HTT: variants seen among roughly 807,000 people sequenced by gnomAD.
HTT encodes the protein huntingtin.
Under a neutral mutation model 362.3 loss-of-function variants are expected in HTT, and 104 were observed. That is an observed-to-expected ratio of 0.29 (90% CI 0.24 to 0.34). The LOEUF (loss-of-function observed/expected upper bound fraction) is 0.34. HTT is among the 10% of genes least tolerant of loss of function. The pLI is 1.00. For missense variants in HTT, 3,301 were observed against 3,928.6 expected, an observed-to-expected ratio of 0.84 and a Z score of 4.27; for synonymous variants, 1,577 against 1,548.7, an observed-to-expected ratio of 1.02 and a Z score of -0.43.
intron 8 of HTT, among the ~76,000 whole-genome samples, chr4:3,120,982 A>G (rs2110177342): frequency 6.6e-6 from 1 of 152,274 alleles, no homozygotes. Flanking sequence ...CTTCATTCTC[A>G]TGCTGCTCCT....
In HTT at chr4:3,187,656, C is replaced by G; in HGVS notation, c.4995C>G (p.Ser1665=). ...SMFVTPNTMA[S]VSTVQLWISG... ...ATGTATTATGTTTATTTTAGGCGTC[C>G]GTGAGCACTGTTCAACTGTGGATAT... Residue 1665 remains serine (S), a synonymous_variant, in exon 39 of 67, where the codon TCC becomes TCG. Coordinates refer to ENST00000355072, the MANE Select transcript of HTT (RefSeq NM_001388492.1). 3 of 1,612,304 alleles carry G rather than the reference C, an allele frequency of 1.9e-6. No individual in the cohort carries two copies. The highest frequency in any genetic ancestry group is 1.1e-5 in the South Asian group (1 of 91,036).
intron 1 of HTT, among the ~76,000 whole-genome samples, chr4:3,075,652 G>A (rs1323869109): frequency 7.0e-6 from 1 of 143,106 alleles, no homozygotes; most frequent in Non-Finnish European, 1.5e-5. Flanking sequence ...CGGGGCAGGG[G>A]GGGGGCGGGG....
chr4:3,079,043 G>T (rs1560537485), intron 1 of HTT, among the ~76,000 whole-genome samples: 1 of 151,814 alleles, frequency 6.6e-6, no homozygotes, highest in Admixed American at 6.6e-5. Flanking sequence ...GAGCCACTGT[G>T]CCCGGCCACG....
At chr4:3,203,986 T>C (rs1480314352) in intron 41 of HTT, 21 bp from the exon 42 acceptor site, 2 of 1,611,802 alleles carry the variant, frequency 1.2e-6, no homozygotes, top group Admixed American at 1.7e-5. Context: ...ACATTGTCAA[T>C]GCATCTGTTG....
At chr4:3,147,551 G>T (rs1268278701) in intron 25 of HTT, among the ~76,000 whole-genome samples, 1 of 152,170 alleles carries the variant, frequency 6.6e-6, no homozygotes, top group Non-Finnish European at 1.5e-5. Context: ...GGAGAGTTTC[G>T]TGAAAGGGAC....
In HTT at chr4:3,206,878, G is replaced by C; in HGVS notation, c.5970G>C (p.Thr1990=). 1 of 1,614,068 alleles carries C rather than the reference G, an allele frequency of 6.2e-7. No homozygotes were observed. Among genetic ancestry groups the C allele is most frequent in the Non-Finnish European group, 8.5e-7 (1 of 1,179,936 alleles). Reference sequence around the variant, plus strand: ...TCAGCCAGTCGGGAGCTGTGCTCACGCTGTATGTGGACAGGCTTCTGTGCA... The same window carrying C: ...TCAGCCAGTCGGGAGCTGTGCTCACCCTGTATGTGGACAGGCTTCTGTGCA... ...IHLSQSGAVL[T]LYVDRLLCTP... Residue 1990 remains threonine (T), a synonymous_variant, in exon 44 of 67, where the codon ACG becomes ACC. Coordinates refer to ENST00000355072, the MANE Select transcript of HTT (RefSeq NM_001388492.1). The surrounding 1 kb of genome is among the most constrained non-coding windows in gnomAD (Gnocchi z 4.6).
At chr4:3,086,894 G>T (rs780981893) in intron 1 of HTT, 45 bp from the exon 2 acceptor site, 1 of 1,012,382 alleles carries the variant, frequency 9.9e-7, no homozygotes, top group Middle Eastern at 2.5e-4. Context: ...TAAGTGGAGT[G>T]GGTAATTCAA....
rs1323392167 is a variant in HTT at position 3,243,378 on chromosome 4, G to C, written c.*3319G>C. ...TGCTGGCCAGGGTAGACTTGGAGCTGTCCTCCAGAGGGGTCACGTGTAGGA... is the reference window on the plus strand; with the variant it reads ...TGCTGGCCAGGGTAGACTTGGAGCTCTCCTCCAGAGGGGTCACGTGTAGGA... On this transcript the variant is annotated 3_prime_UTR_variant, in exon 67 of 67. Coordinates refer to ENST00000355072, the MANE Select transcript of HTT (RefSeq NM_001388492.1). The C allele has an allele frequency of 2.6e-5, 4 of 152,596 alleles. No individual in the cohort carries two copies. Among genetic ancestry groups the C allele is most frequent in the African/African-American group, 7.2e-5 (3 of 41,474 alleles). 9.5% of individuals were successfully genotyped at this position (152,596 alleles called of 1,614,324 possible). A position where few individuals can be genotyped will look rare whatever the true frequency, so the allele number is the denominator to read the frequency against.
intron 64 of HTT, among the ~76,000 whole-genome samples, chr4:3,237,421 T>C (rs1164990401): frequency 6.6e-6 from 1 of 152,136 alleles, no homozygotes; most frequent in Admixed American, 6.5e-5. Flanking sequence ...TCAGTCCCCA[T>C]ATGCTCACTG....
intron 56 of HTT, among the ~76,000 whole-genome samples, chr4:3,225,309 G>A (rs1262290698): frequency 1.3e-5 from 2 of 152,158 alleles, no homozygotes; most frequent in Non-Finnish European, 2.9e-5. Flanking sequence ...CTGGACTGTC[G>A]GCTCGCCTGC....
intron 29 of HTT, among the ~76,000 whole-genome samples, 189 bp from the exon 30 acceptor site, chr4:3,172,131 G>A (rs991435732): frequency 6.6e-6 from 1 of 152,214 alleles, no homozygotes; most frequent in Non-Finnish European, 1.5e-5. Flanking sequence ...TGGTTGTAAT[G>A]TATATAACTT....
intron 55 of HTT, 33 bp downstream of exon 55, chr4:3,223,593 T>C: frequency 6.4e-7 from 1 of 1,569,506 alleles, no homozygotes; most frequent in Non-Finnish European, 8.7e-7. Context: ...CTCTGGGACA[T>C]AGCAGGTGCT....
intron 50 of HTT, among the ~76,000 whole-genome samples, chr4:3,214,611 A>G (rs976693802): frequency 2.0e-5 from 3 of 152,244 alleles, no homozygotes; most frequent in Non-Finnish European, 2.9e-5. Context: ...CATTAGCCAC[A>G]ATTTTTAAAA....
At chr4:3,097,598 C>T (rs1713920635) in intron 2 of HTT, among the ~76,000 whole-genome samples, 1 of 152,182 alleles carries the variant, frequency 6.6e-6, no homozygotes. Flanking sequence ...TGCCGTTGCA[C>T]TCCAGCCTGG....
intron 12 of HTT, chr4:3,129,681 A>G (rs1265310918): frequency 8.0e-6 from 3 of 374,246 alleles, no homozygotes; most frequent in East Asian, 4.5e-5. Flanking sequence ...AAATGTCCAC[A>G]TTGGAATTTT....
intron 8 of HTT, among the ~76,000 whole-genome samples, chr4:3,118,555 C>A (rs558197910): frequency 1.5e-4 from 23 of 152,226 alleles, no homozygotes; most frequent in Admixed American, 1.4e-3. Flanking sequence ...TCACAGCACA[C>A]GAGTGTGGGT....
chr4:3,119,417 A>G (rs16843869), intron 8 of HTT, among the ~76,000 whole-genome samples: 9,035 of 152,308 alleles, frequency 0.059, 475 homozygotes, highest in African/African-American at 0.14. Flanking sequence ...ACCTTGGGAC[A>G]TTCTCTTTCA....
At chr4:3,147,942 C>A in intron 25 of HTT, 63 bp from the exon 26 acceptor site, 1 of 1,362,858 alleles carries the variant, frequency 7.3e-7, no homozygotes, top group South Asian at 1.3e-5. Flanking sequence ...CTTCAGTTCC[C>A]CAAGCAATTT....
intron 23 of HTT, among the ~76,000 whole-genome samples, chr4:3,143,139 C>T (rs766243247): frequency 1.3e-5 from 2 of 152,030 alleles, no homozygotes; most frequent in Admixed American, 1.3e-4. Flanking sequence ...TTTAGGAAGA[C>T]ACAACAATTA....
Sources: allele counts gnomAD v4.1 joint callset (sites outside exome capture counted in the v4.1 genomes callset), GRCh38; gene constraint gnomAD v4.1.1; non-coding constraint Gnocchi (gnomAD v3.1); transcripts MANE v1.5; gene names NCBI Gene and HGNC (gene_info 2026-07-23, HGNC 2026-07-21).